BICRA: variants seen among roughly 807,000 people sequenced by gnomAD.
BICRA encodes the protein BRD4-interacting chromatin-remodeling complex-associated protein.
Under a neutral mutation model 96.9 loss-of-function variants are expected in BICRA, and 31 were observed. The observed-to-expected ratio is 0.32, with a 90% CI of 0.24 to 0.43. The LOEUF (loss-of-function observed/expected upper bound fraction) is 0.43, where lower values mean the gene tolerates loss of function less well. Among genes scored for constraint, BICRA ranks in the 20% least tolerant of loss-of-function variants. BICRA has a pLI of 1.00. For missense variants in BICRA, 2,283 were observed against 2,190.3 expected (o/e 1.04, Z -0.84); for synonymous variants, 1,350 against 1,071.8 (o/e 1.26, Z -5.07).
In BICRA at chr19:47,675,488, G is replaced by A. The variant is rs1436523326; in HGVS notation, c.85-363G>A. 6.6e-6 allele frequency among the ~76,000 whole-genome samples: 1 copy of A among 152,228 alleles called. No homozygotes were observed. Among genetic ancestry groups the A allele is most frequent in the African/African-American group, 2.4e-5 (1 of 41,460 alleles). ...GAGTACTTAGTGAGAAGGGACAGGA[G>A]CTGTTGGACCACGAGTGACCACTCC... On this transcript the variant is annotated intron_variant, in intron 4 of 14. Coordinates refer to ENST00000594866, the MANE Select transcript of BICRA (RefSeq NM_001394372.1). This position sits in a 1 kb window ranked among gnomAD's most constrained non-coding sequence, Gnocchi z 4.7.
intron 6 of BICRA, 43 bp downstream of exon 6, chr19:47,681,319 G>A (rs1973054937): frequency 6.6e-7 from 1 of 1,520,308 alleles, no homozygotes; most frequent in Non-Finnish European, 8.8e-7. Flanking sequence ...GAGGAGGCGG[G>A]TTTGGGAGGA....
intron 1 of BICRA, among the ~76,000 whole-genome samples, chr19:47,653,023 T>TC (rs1336401736): frequency 6.7e-6 from 1 of 149,612 alleles, no homozygotes; most frequent in Non-Finnish European, 1.5e-5. Flanking sequence ...TTCTTTTTTT[T>TC]TTTTTTTTTT....
At chr19:47,674,177 C>G (rs946565781) in intron 4 of BICRA, among the ~76,000 whole-genome samples, 3 of 152,022 alleles carry the variant, frequency 2.0e-5, no homozygotes, top group African/African-American at 7.2e-5. Context: ...AGGCCCGGTG[C>G]TCCTGGCAGA....
intron 1 of BICRA, among the ~76,000 whole-genome samples, chr19:47,670,110 C>T (rs184790718): frequency 2.4e-3 from 361 of 152,020 alleles, no homozygotes; most frequent in African/African-American, 8.1e-3. Context: ...CGACCATGCC[C>T]AGCCAAAAAA....
rs567541406 is a variant in BICRA at position 47,645,367 on chromosome 19, C to G, written c.-107-25076C>G. The stretch of plus-strand genomic sequence containing the variant: ...GCATCGCTGGTTGGAATTTCCAGAG[C>G]CTGTGTTCTTAACCACCCTGAGGTT... On this transcript the variant is annotated intron_variant, in intron 1 of 14. Coordinates refer to ENST00000594866, the MANE Select transcript of BICRA (RefSeq NM_001394372.1). 4.9e-4 allele frequency among the ~76,000 whole-genome samples: 75 copies of G among 152,300 alleles called. 1 individual carries two copies. Among genetic ancestry groups the G allele is most frequent in the South Asian group, 2.5e-3 (12 of 4,822 alleles).
intron 6 of BICRA, 81 bp from the exon 7 acceptor site, chr19:47,681,895 A>G (rs1973067364): frequency 1.2e-5 from 12 of 977,344 alleles, no homozygotes; most frequent in Non-Finnish European, 1.8e-5. Context: ...TGGGAGCGTC[A>G]ATAGGGGCAG....
chr19:47,659,423 C>T (rs1266555026), intron 1 of BICRA, among the ~76,000 whole-genome samples: 2 of 152,114 alleles, frequency 1.3e-5, no homozygotes, highest in Admixed American at 6.5e-5. Context: ...ATCATGCAAG[C>T]GGCTACATAT....
At chr19:47,669,150 G>A (rs1047382152) in intron 1 of BICRA, among the ~76,000 whole-genome samples, 1 of 151,952 alleles carries the variant, frequency 6.6e-6, no homozygotes, top group Non-Finnish European at 1.5e-5. Flanking sequence ...CTACAAGCAG[G>A]GTGCAGAAAT....
chr19:47,673,180 G>A (rs1257051033), intron 2 of BICRA, among the ~76,000 whole-genome samples: 1 of 152,136 alleles, frequency 6.6e-6, no homozygotes, highest in Non-Finnish European at 1.5e-5. Context: ...TCTGCTGCCT[G>A]CTTGCTGGGA....
intron 1 of BICRA, among the ~76,000 whole-genome samples, chr19:47,634,597 T>G (rs1201118037): frequency 6.6e-6 from 1 of 151,838 alleles, no homozygotes; most frequent in Non-Finnish European, 1.5e-5. Flanking sequence ...ACGGTTCTCC[T>G]CCCCAGGAAG....
chr19:47,671,797 T>G (rs939838225), intron 2 of BICRA, among the ~76,000 whole-genome samples: 1 of 103,436 alleles, frequency 9.7e-6, no homozygotes, highest in African/African-American at 3.9e-5. Flanking sequence ...GATGGAGGGA[T>G]GGGTAGCTAG....
At chr19:47,650,079 G>A (rs1972519464) in intron 1 of BICRA, among the ~76,000 whole-genome samples, 1 of 152,022 alleles carries the variant, frequency 6.6e-6, no homozygotes, top group South Asian at 2.1e-4. Context: ...AGCTTCCTGA[G>A]TAGCTGGGAT....
chr19:47,677,696 C>CA lies in BICRA; in HGVS notation c.151-1617dup, dbSNP rs377297377. 1.4e-3 allele frequency among the ~76,000 whole-genome samples: 211 copies of CA among 151,914 alleles called. 3 individuals are homozygous for CA. Among genetic ancestry groups the CA allele is most frequent in the African/African-American group, 4.4e-3 (181 of 41,436 alleles). ...GGCAACAAGAGTGGAAACTCCGTCT[C>CA]AAAAAAAACCCAAAGAAACAAAAAG... On this transcript the variant is annotated intron_variant, in intron 5 of 14. Transcript: ENST00000594866.
chr19:47,625,455 C>T (rs1972126722), intron 1 of BICRA, among the ~76,000 whole-genome samples: 1 of 152,184 alleles, frequency 6.6e-6, no homozygotes, highest in African/African-American at 2.4e-5. Context: ...CTTTGACTTT[C>T]TCGTCCAATT....
At chr19:47,672,159 G>A (rs1336072651) in intron 2 of BICRA, among the ~76,000 whole-genome samples, 3 of 138,992 alleles carry the variant, frequency 2.2e-5, no homozygotes, top group African/African-American at 8.2e-5. Context: ...GCATGGGTAG[G>A]TAGATGGATG....
Position 47,701,627 on chromosome 19 carries a change from A to G in BICRA, c.3895A>G (p.Thr1299Ala). 1.3e-6 allele frequency: 2 copies of G among 1,577,990 alleles called. No individual in the cohort carries two copies. Among genetic ancestry groups the G allele is most frequent in the South Asian group, 1.2e-5 (1 of 86,322 alleles). The change falls in exon 15 of 15, where the codon ACC becomes GCC. Residue 1299 changes from threonine (T) to alanine (A), a missense_variant. Coordinates refer to ENST00000594866, the MANE Select transcript of BICRA (RefSeq NM_001394372.1). The surrounding 1 kb of genome is among the most constrained non-coding windows in gnomAD (Gnocchi z 5.4). ...CTCCCGCAACCGCCCGCCCATCAAG[A>G]CCTACGAGGCCCGGAGCCGCATCGG... The part of the protein sequence containing the change: ...MPSRNRPPIK[T>A]YEARSRIGLK...
Position 47,637,859 on chromosome 19 carries a change from C to T in BICRA, c.-108+28691C>T, listed in dbSNP as rs115002195. Among the ~76,000 whole-genome samples the T allele has an allele frequency of 1.7e-3, 257 of 152,298 alleles. 1 individual carries two copies. Among genetic ancestry groups the T allele is most frequent in the African/African-American group, 5.7e-3 (238 of 41,568 alleles). On this transcript the variant is annotated intron_variant, in intron 1 of 14. Transcript: ENST00000594866. ...ATGTTTTCCAGGTCCACCGCTGCTG[C>T]GGCGATGCCTCATTCCTTTTTATGG... is the stretch of plus-strand genomic sequence containing the variant.
rs896224225 is a variant in BICRA at position 47,680,274 on chromosome 19, C to G, written c.1104C>G (p.Pro368=). The G allele has an allele frequency of 2.1e-5, 33 of 1,559,528 alleles. No individual in the cohort carries two copies. The South Asian group carries it at 3.6e-4, about 17-fold the overall frequency. ...VLPPKLYQLT[P]KPFAPAGATL... ...CGCCCAAGCTCTACCAGCTGACGCC[C>G]AAGCCGTTTGCGCCCGCGGGCGCCA... The change falls in exon 6 of 15, where the codon CCC becomes CCG. Residue 368 remains proline, a synonymous_variant. Transcript: ENST00000594866.
At chr19:47,691,832 A>G (rs898612293) in intron 7 of BICRA, among the ~76,000 whole-genome samples, 1 of 152,138 alleles carries the variant, frequency 6.6e-6, no homozygotes, top group Non-Finnish European at 1.5e-5. Flanking sequence ...AAGTGCTGGG[A>G]TTGCAAGCGT....
Sources: gnomAD v4.1 joint callset for allele counts (sites outside exome capture counted in the v4.1 genomes callset) on GRCh38, gnomAD v4.1.1 for gene constraint, Gnocchi (gnomAD v3.1) non-coding constraint, MANE v1.5 for transcripts, NCBI Gene and HGNC (gene_info 2026-07-23, HGNC 2026-07-21) for gene names.